The following DISP1 variants were observed in gnomAD, a reference collection of about 807,000 sequenced individuals.
The protein encoded by DISP1 is dispatched RND transporter family member 1, also known as protein dispatched homolog 1.
A neutral mutation model predicts 37.3 loss-of-function variants in DISP1; 30 were observed. The ratio of observed to expected loss-of-function variants is 0.80; its 90% CI spans 0.60 to 1.09. The LOEUF is 1.09. Ranked by LOEUF, DISP1 falls within the 50% of genes least tolerant of loss-of-function variation. DISP1 has a pLI of 0.00. For missense variants in DISP1, 1,598 were observed against 1,879.5 expected (o/e 0.85, Z 2.77); for synonymous variants, 634 against 690.2 (o/e 0.92, Z 1.28).
At chr1:222,946,622 T>A (rs1362888389) in intron 3 of DISP1, among the ~76,000 whole-genome samples, 1 of 152,164 alleles carries the variant, frequency 6.6e-6, no homozygotes, top group Non-Finnish European at 1.5e-5. Context: ...GTTGAGACAT[T>A]CTTTTGCCTT....
intron 1 of DISP1, among the ~76,000 whole-genome samples, chr1:222,914,115 A>G (rs891310307): frequency 6.6e-6 from 1 of 151,724 alleles, no homozygotes; most frequent in African/African-American, 2.4e-5. Flanking sequence ...CTCTATTTGA[A>G]GTTAGTCTGG....
chr1:222,980,950 C>T (rs973671016), intron 3 of DISP1, among the ~76,000 whole-genome samples: 6 of 152,172 alleles, frequency 3.9e-5, no homozygotes, highest in African/African-American at 9.7e-5. Flanking sequence ...TGGTGGCATG[C>T]GCCTGTAGTC....
intron 3 of DISP1, among the ~76,000 whole-genome samples, chr1:222,953,426 T>G (rs1295231739): frequency 1.3e-5 from 2 of 152,226 alleles, no homozygotes. Context: ...CTTTTCATTT[T>G]TATTTATAAA....
rs565286472 is a variant in DISP1 at position 223,005,227 on chromosome 1, A to T, written c.3830A>T (p.Tyr1277Phe). Residue 1277 changes from tyrosine (Y) to phenylalanine (F), a missense_variant, in exon 9 of 9, where the codon TAC (tyrosine) becomes TTC (phenylalanine). Transcript: ENST00000675850. ...LNQRCSCPDA[Y>F]KHLNYGPHSC... ...CAGAGATGTAGCTGCCCAGATGCCT[A>T]CAAACACTTGAACTATGGCCCACAC... 1.2e-6 allele frequency: 2 copies of T among 1,614,140 alleles called. No homozygotes were observed. Among genetic ancestry groups the T allele is most frequent in the Admixed American group, 1.7e-5 (1 of 60,032 alleles).
chr1:223,003,207 G>T lies in DISP1; in HGVS notation c.1810G>T (p.Ala604Ser), dbSNP rs375851211. The change falls in exon 9 of 9, where the codon GCT (alanine) becomes TCT (serine). Residue 604 changes from alanine (A) to serine (S), a missense_variant. Transcript: ENST00000675850. The surrounding 1 kb of genome is among the most constrained non-coding windows in gnomAD (Gnocchi z 4.3). The stretch of plus-strand genomic sequence containing the variant: ...AACAGTAAGCATCACCTTGCAGCAC[G>T]CTGCCCTCTCCATGTTCGTCACCAG... ...SETVSITLQH[A>S]ALSMFVTSFT... The T allele has an allele frequency of 8.1e-6, 13 of 1,614,130 alleles. No individual in the cohort carries two copies. Among genetic ancestry groups the T allele is most frequent in the Non-Finnish European group, 1.1e-5 (13 of 1,180,048 alleles).
chr1:222,964,390 C>T (rs949401214), intron 3 of DISP1, among the ~76,000 whole-genome samples: 1 of 151,990 alleles, frequency 6.6e-6, no homozygotes, highest in Non-Finnish European at 1.5e-5. Context: ...TGATTCGAAG[C>T]CTTCCTCTTA....
At chr1:222,907,726 C>T (rs1425105706) in intron 1 of DISP1, among the ~76,000 whole-genome samples, 16 of 152,228 alleles carry the variant, frequency 1.1e-4, no homozygotes, top group African/African-American at 3.1e-4. Flanking sequence ...CCAAGGTCGG[C>T]GGATCACGAG....
Position 222,851,652 on chromosome 1 carries a change from AT to A in DISP1, c.-159+36577del, listed in dbSNP as rs572150544. ...TGGCATCACTGTGTTATGTTGTAAT[AT>A]TTATAAATAACAACTTTGTTTTTAA... On this transcript the variant is annotated intron_variant, in intron 1 of 8. Transcript: ENST00000675850. Among the ~76,000 whole-genome samples the A allele has an allele frequency of 4.7e-4, 72 of 152,348 alleles. 1 individual carries two copies. The highest frequency in any genetic ancestry group is 1.6e-3 in the African/African-American group (65 of 41,594).
intron 2 of DISP1, among the ~76,000 whole-genome samples, chr1:222,936,709 ATT>A (rs1491137852): frequency 3.0e-5 from 3 of 99,770 alleles, no homozygotes; most frequent in Admixed American, 2.7e-4. Flanking sequence ...TATCATATAT[ATT>A]ATATATCATA....
intron 1 of DISP1, among the ~76,000 whole-genome samples, chr1:222,880,443 C>G (rs1045812699): frequency 2.6e-5 from 4 of 152,144 alleles, no homozygotes; most frequent in African/African-American, 9.7e-5. Flanking sequence ...ACTTATAGAG[C>G]TGTGATCACA....
Position 223,003,944 on chromosome 1 carries a change from C to T in DISP1, c.2547C>T (p.Thr849=), listed in dbSNP as rs779224304. 3.1e-6 allele frequency: 5 copies of T among 1,614,154 alleles called. No homozygotes were observed. The highest frequency in any genetic ancestry group is 3.3e-5 in the Admixed American group (2 of 60,030). Residue 849 remains threonine, a synonymous_variant, in exon 9 of 9, where the codon ACC becomes ACT. Coordinates refer to ENST00000675850, the MANE Select transcript of DISP1 (RefSeq NM_001377229.1). The surrounding 1 kb of genome is among the most constrained non-coding windows in gnomAD (Gnocchi z 4.3). ...ACCAGACTGATGAACAGGACTTCAC[C>T]AGCTGCTTCATTGAGACATTCAAAC... ...FFYQTDEQDF[T]SCFIETFKQW...
chr1:222,913,175 G>C (rs1409611986), intron 1 of DISP1, among the ~76,000 whole-genome samples: 6 of 152,098 alleles, frequency 3.9e-5, no homozygotes, highest in Non-Finnish European at 8.8e-5. Context: ...CCACCTTCTT[G>C]GTACTTGGTA....
At chr1:222,840,328 G>A (rs1019227301) in intron 1 of DISP1, among the ~76,000 whole-genome samples, 1 of 151,888 alleles carries the variant, frequency 6.6e-6, no homozygotes, top group African/African-American at 2.4e-5. Flanking sequence ...TGCAACTTTT[G>A]CCTCCCAGGT....
chr1:222,815,703 C>T (rs961991830), intron 1 of DISP1, among the ~76,000 whole-genome samples: 3 of 152,186 alleles, frequency 2.0e-5, no homozygotes, highest in Admixed American at 1.3e-4. Context: ...TTGCTTCACC[C>T]AGATTCTGCG....
chr1:222,995,036 A>C, intron 8 of DISP1, 54 bp downstream of exon 8: 1 of 1,407,584 alleles, frequency 7.1e-7, no homozygotes, highest in Admixed American at 1.7e-5. Context: ...TGTATTATTG[A>C]AACTCCTTTT....
intron 1 of DISP1, among the ~76,000 whole-genome samples, chr1:222,839,267 A>G (rs1231796932): frequency 2.0e-5 from 3 of 152,174 alleles, no homozygotes; most frequent in Non-Finnish European, 4.4e-5. Context: ...TGTGCATACA[A>G]GGCATCTAGG....
chr1:222,896,783 A>G (rs1671285368), intron 1 of DISP1, among the ~76,000 whole-genome samples: 2 of 152,212 alleles, frequency 1.3e-5, no homozygotes, highest in South Asian at 2.1e-4. Context: ...CAGATGGCCA[A>G]TAAGCACATG....
At position 222,826,795 on chromosome 1, in the gene DISP1, A is replaced by G. The variant is rs563162631; in HGVS notation, c.-159+11717A>G. On this transcript the variant is annotated intron_variant, in intron 1 of 8. Transcript: ENST00000675850. ...ATGGATATTAAAATTATCCACTCCTATCAGGGAGCTACTAACTAAAATGTA... is the reference window on the plus strand; with the variant it reads ...ATGGATATTAAAATTATCCACTCCTGTCAGGGAGCTACTAACTAAAATGTA... 4.6e-5 allele frequency among the ~76,000 whole-genome samples: 7 copies of G among 152,176 alleles called. No homozygotes were observed. The South Asian group carries it at 1.4e-3, about 31-fold the overall frequency.
intron 1 of DISP1, among the ~76,000 whole-genome samples, chr1:222,926,835 A>G (rs932931191): frequency 6.6e-6 from 1 of 152,092 alleles, no homozygotes. Flanking sequence ...CACTAAATCG[A>G]CCGCAAAAGG....
Sources: allele counts gnomAD v4.1 joint callset (sites outside exome capture counted in the v4.1 genomes callset), GRCh38; gene constraint gnomAD v4.1.1; non-coding constraint Gnocchi (gnomAD v3.1); transcripts MANE v1.5; gene names NCBI Gene and HGNC (gene_info 2026-07-23, HGNC 2026-07-21).